ZFAND3: variants seen among roughly 807,000 people sequenced by gnomAD.
ZFAND3 encodes zinc finger AN1-type containing 3.
In ZFAND3, 10 loss-of-function variants were observed where a neutral mutation model predicts 29.6. The observed-to-expected ratio is 0.34, with a 90% CI of 0.21 to 0.57. The LOEUF is 0.57. ZFAND3 is among the 20% of genes least tolerant of loss of function. The probability of loss-of-function intolerance (pLI) is 0.86; values close to 1 mark genes in which losing one functional copy is unlikely to be tolerated. For synonymous variants in ZFAND3, 128 were observed against 112.6 expected, an observed-to-expected ratio of 1.14 and a Z score of -0.87; for missense variants, 230 against 304.5, an observed-to-expected ratio of 0.76 and a Z score of 1.82.
chr6:37,880,586 G>C (rs900558845), intron 1 of ZFAND3, among the ~76,000 whole-genome samples: 6 of 152,026 alleles, frequency 3.9e-5, no homozygotes, highest in African/African-American at 1.4e-4. Context: ...TGTATTACAA[G>C]GTTTGAGAAA....
chr6:38,020,681 T>C (rs549034016), intron 2 of ZFAND3, among the ~76,000 whole-genome samples: 25 of 152,350 alleles, frequency 1.6e-4, no homozygotes, highest in Non-Finnish European at 2.8e-4. Context: ...CAGCCTGATA[T>C]TGTCCAGATT....
intron 2 of ZFAND3, among the ~76,000 whole-genome samples, chr6:37,976,860 G>T (rs1305251755): frequency 1.3e-5 from 2 of 152,122 alleles, no homozygotes; most frequent in East Asian, 3.9e-4. Flanking sequence ...CCTTCCACCA[G>T]GTCCCTTCCT....
chr6:38,094,865 A>G (rs1219692467), intron 4 of ZFAND3, among the ~76,000 whole-genome samples: 4 of 152,160 alleles, frequency 2.6e-5, no homozygotes, highest in Admixed American at 6.5e-5. Context: ...TAATATTTGC[A>G]TTATACTTAC....
At chr6:37,946,349 A>G (rs1295835356) in intron 2 of ZFAND3, among the ~76,000 whole-genome samples, 3 of 152,202 alleles carry the variant, frequency 2.0e-5, no homozygotes, top group Non-Finnish European at 4.4e-5. Context: ...TGTCTTTTGC[A>G]TGGCTCCACC....
chr6:37,869,769 C>G (rs1413563086), intron 1 of ZFAND3, among the ~76,000 whole-genome samples: 1 of 151,496 alleles, frequency 6.6e-6, no homozygotes, highest in Non-Finnish European at 1.5e-5. Flanking sequence ...TGCCTTGCCT[C>G]ACAAAGTGCT....
At chr6:38,006,003 C>T (rs1049554125) in intron 2 of ZFAND3, among the ~76,000 whole-genome samples, 1 of 152,184 alleles carries the variant, frequency 6.6e-6, no homozygotes, top group Non-Finnish European at 1.5e-5. Flanking sequence ...TAAGTAAACA[C>T]AGATGAAGAT....
At chr6:38,057,401 C>G (rs1297998694) in intron 2 of ZFAND3, among the ~76,000 whole-genome samples, 1 of 152,188 alleles carries the variant, frequency 6.6e-6, no homozygotes, top group East Asian at 1.9e-4. Context: ...AACTGTGATG[C>G]AAATATCAGG....
chr6:37,904,728 T>C lies in ZFAND3; in HGVS notation c.72-25231T>C, dbSNP rs141964928. Among the ~76,000 whole-genome samples the C allele has an allele frequency of 1.3e-5, 2 of 152,346 alleles. 1 individual carries two copies. The highest frequency in any genetic ancestry group is 3.9e-4 in the East Asian group (2 of 5,188). On this transcript the variant is annotated intron_variant, in intron 1 of 5. Transcript: ENST00000287218. The stretch of plus-strand genomic sequence containing the variant: ...GGTGATTATTTCCATAGTAGCCTGC[T>C]TAGTGACTCATGTCCCTGCTAATAA...
intron 1 of ZFAND3, among the ~76,000 whole-genome samples, chr6:37,925,292 C>T (rs1761462552): frequency 6.6e-6 from 1 of 151,982 alleles, no homozygotes; most frequent in African/African-American, 2.4e-5. Context: ...TTAATGGTGG[C>T]CATCATAGAA....
intron 4 of ZFAND3, among the ~76,000 whole-genome samples, chr6:38,088,008 G>C (rs756329346): frequency 2.6e-5 from 4 of 152,154 alleles, no homozygotes; most frequent in Non-Finnish European, 5.9e-5. Flanking sequence ...AAGAGTGTTG[G>C]TATTAAATCA....
intron 2 of ZFAND3, among the ~76,000 whole-genome samples, chr6:37,932,670 A>C (rs1383731820): frequency 6.6e-6 from 1 of 152,222 alleles, no homozygotes; most frequent in Admixed American, 6.5e-5. Context: ...CCCCTAAATG[A>C]ATACAAAGTT....
intron 3 of ZFAND3, among the ~76,000 whole-genome samples, chr6:38,063,806 G>A (rs1764288991): frequency 6.6e-6 from 1 of 152,236 alleles, no homozygotes; most frequent in Non-Finnish European, 1.5e-5. Flanking sequence ...AGCAGAGGAG[G>A]TGATATTATT....
chr6:37,888,141 A>AT (rs150638840), intron 1 of ZFAND3, among the ~76,000 whole-genome samples: 3 of 152,118 alleles, frequency 2.0e-5, no homozygotes, highest in Admixed American at 6.5e-5. Context: ...ACAGCTATAA[A>AT]TTTTTTTATG....
At chr6:37,833,952 A>C (rs1252842324) in intron 1 of ZFAND3, among the ~76,000 whole-genome samples, 6 of 152,062 alleles carry the variant, frequency 3.9e-5, no homozygotes, top group African/African-American at 1.4e-4. Flanking sequence ...AGCCTCCCCT[A>C]CTATCGACAT....
chr6:37,910,074 A>G (rs1765492834), intron 1 of ZFAND3, among the ~76,000 whole-genome samples: 1 of 152,262 alleles, frequency 6.6e-6, no homozygotes, highest in Non-Finnish European at 1.5e-5. Flanking sequence ...TGAGAGCCAT[A>G]CACTTGTTTC....
intron 4 of ZFAND3, among the ~76,000 whole-genome samples, chr6:38,092,550 A>T (rs971706877): frequency 1.3e-5 from 2 of 152,236 alleles, no homozygotes; most frequent in African/African-American, 4.8e-5. Context: ...AAATGCTTAG[A>T]ATTCACTTTA....
At chr6:38,045,620 T>A (rs1305795883) in intron 2 of ZFAND3, among the ~76,000 whole-genome samples, 2 of 152,162 alleles carry the variant, frequency 1.3e-5, no homozygotes, top group African/African-American at 4.8e-5. Flanking sequence ...ATATATTATC[T>A]CAAATGTTTA....
rs560212867 is a variant in ZFAND3 at position 38,061,434 on chromosome 6, C to T, written c.113-159C>T. 3.9e-5 allele frequency among the ~76,000 whole-genome samples: 6 copies of T among 152,254 alleles called. No homozygotes were observed. The South Asian group carries it at 6.2e-4, about 16-fold the overall frequency. ...TCTAGTACCTTCCACTAATCTTAAA[C>T]GTTTTTGACCAGTGTTTTACTCCCA... On this transcript the variant is annotated intron_variant, in intron 2 of 5. Transcript: ENST00000287218.
intron 2 of ZFAND3, among the ~76,000 whole-genome samples, chr6:37,995,413 C>T (rs544820741): frequency 6.6e-6 from 1 of 152,250 alleles, no homozygotes; most frequent in African/African-American, 2.4e-5. Flanking sequence ...CTCTTGGTTT[C>T]TTGTGCACGT....
Sources: gnomAD v4.1 joint callset for allele counts (sites outside exome capture counted in the v4.1 genomes callset) on GRCh38, gnomAD v4.1.1 for gene constraint, MANE v1.5 for transcripts, NCBI Gene and HGNC (gene_info 2026-07-23, HGNC 2026-07-21) for gene names.